The following NADSYN1 variants were observed in gnomAD, a reference collection of about 807,000 sequenced individuals.
NADSYN1 encodes NAD synthetase 1.
NADSYN1 carries 80 observed loss-of-function variants against 99.3 expected under a neutral mutation model. The ratio of observed to expected loss-of-function variants is 0.81; its 90% CI spans 0.67 to 0.97. The LOEUF is 0.97. Ranked by LOEUF, NADSYN1 falls within the 50% of genes least tolerant of loss-of-function variation. The pLI, the probability that NADSYN1 is intolerant of heterozygous loss-of-function variation, is 0.00. For synonymous variants in NADSYN1, 385 were observed against 372.1 expected, an observed-to-expected ratio of 1.03 and a Z score of -0.40; for missense variants, 859 against 948.5, an observed-to-expected ratio of 0.91 and a Z score of 1.24.
intron 5 of NADSYN1, among the ~76,000 whole-genome samples, chr11:71,469,710 G>A (rs1949614646): frequency 1.3e-5 from 2 of 152,144 alleles, no homozygotes; most frequent in African/African-American, 4.8e-5. Flanking sequence ...CCCTCATTCT[G>A]GGAAGCCAAC....
intron 3 of NADSYN1, chr11:71,459,603 G>T: frequency 6.5e-6 from 1 of 153,406 alleles, no homozygotes. Context: ...ATGTTCTGCT[G>T]GTGTCTGCTG....
At chr11:71,458,326 C>A in intron 2 of NADSYN1, 102 bp from the exon 3 acceptor site, 1 of 827,566 alleles carries the variant, frequency 1.2e-6, no homozygotes, top group South Asian at 1.5e-5. Flanking sequence ...AACACCTGAG[C>A]CCCGGCCCCC....
At position 71,481,240 on chromosome 11, in the gene NADSYN1, T is replaced by C. The variant is rs1949705196; in HGVS notation, c.999-116T>C. ...GTGCCTAAAGCAGAGACGGGCGTCC[T>C]GAGAGCCCAGCGTTGACTCTGGCAC... is the stretch of plus-strand genomic sequence containing the variant. On this transcript the variant is annotated intron_variant, in intron 11 of 20. Coordinates refer to ENST00000319023, the MANE Select transcript of NADSYN1 (RefSeq NM_018161.5). 12 of 1,055,628 alleles carry C rather than the reference T, an allele frequency of 1.1e-5. No individual in the cohort carries two copies. The South Asian group carries it at 1.6e-4, about 14-fold the overall frequency. The allele number at this position is 1,055,628 out of a possible 1,614,324, so 65.4% of individuals were successfully genotyped here.
intron 3 of NADSYN1, among the ~76,000 whole-genome samples, chr11:71,462,873 C>T (rs555396911): frequency 2.0e-5 from 3 of 152,310 alleles, no homozygotes; most frequent in African/African-American, 7.2e-5. Context: ...ACTCTGGTCC[C>T]CACTCGAGTG....
At position 71,484,378 on chromosome 11, in the gene NADSYN1, G is replaced by A. The variant is rs370140393; in HGVS notation, c.1386G>A (p.Thr462=). ...KAVMGIFSLV[T]GKSPLFAAHG... is the part of the protein sequence containing the mutation. ...TCATGGGCATCTTCAGCCTGGTGAC[G>A]GGGAAGAGCCCTCTGTTTGCAGCTC... Residue 462 remains threonine, a synonymous_variant, in exon 15 of 21, where the codon ACG becomes ACA. Coordinates refer to ENST00000319023, the MANE Select transcript of NADSYN1 (RefSeq NM_018161.5). 3.3e-5 allele frequency: 53 copies of A among 1,614,084 alleles called. No homozygotes were observed. The highest frequency in any genetic ancestry group is 3.8e-5 in the Non-Finnish European group (45 of 1,180,040).
intron 16 of NADSYN1, among the ~76,000 whole-genome samples, chr11:71,488,004 C>A (rs1949754534): frequency 6.6e-6 from 1 of 152,156 alleles, no homozygotes; most frequent in Admixed American, 6.5e-5. Flanking sequence ...CCTCTGCCGC[C>A]TTCTTCTCAC....
At chr11:71,493,061 TG>T (rs1290994753) in intron 18 of NADSYN1, among the ~76,000 whole-genome samples, 21 of 152,206 alleles carry the variant, frequency 1.4e-4, no homozygotes, top group Admixed American at 1.1e-3. Flanking sequence ...CTAAGTTTTT[TG>T]TATTTGTAGT....
chr11:71,485,631 C>A lies in NADSYN1; in HGVS notation c.1545C>A (p.Ser515=), dbSNP rs747364078. Residue 515 remains serine (S), a synonymous_variant, in exon 16 of 21, where the codon TCC becomes TCA. Transcript: ENST00000319023. ...ACGGTGGGCTCCTCGTGCTGGGATC[C>A]GCCAACGTGGATGAGAGGTGAGTGT... is the stretch of plus-strand genomic sequence containing the variant. ...GVHGGLLVLG[S]ANVDESLLGY... is the part of the protein sequence containing the mutation. The A allele has an allele frequency of 1.9e-6, 3 of 1,555,094 alleles. No homozygotes were observed. The South Asian group carries it at 3.6e-5, about 18-fold the overall frequency.
At chr11:71,455,411 G>A (rs1237240737) in intron 2 of NADSYN1, 3 of 469,390 alleles carry the variant, frequency 6.4e-6, no homozygotes, top group Admixed American at 3.8e-5. Context: ...ATGAAGGCCA[G>A]TTTCAAAGTT....
chr11:71,483,000 G>C lies in NADSYN1; in HGVS notation c.1302G>C (p.Leu434Phe). ...AGACGTGCACCCGGGCCAGAGAGTT[G>C]GCCCAGCAGATTGGAAGGTAGAGTT... ...SQETCTRARE[L>F]AQQIGSHHIS... The change falls in exon 14 of 21, where the codon TTG becomes TTC. Residue 434 changes from leucine (L) to phenylalanine (F), a missense_variant. Coordinates refer to ENST00000319023, the MANE Select transcript of NADSYN1 (RefSeq NM_018161.5). 1 of 1,612,270 alleles carries C rather than the reference G, an allele frequency of 6.2e-7. No homozygotes were observed. The highest frequency in any genetic ancestry group is 1.1e-5 in the South Asian group (1 of 91,000).
chr11:71,467,918 T>C (rs1016347258), intron 5 of NADSYN1, among the ~76,000 whole-genome samples: 2 of 152,186 alleles, frequency 1.3e-5, no homozygotes, highest in Non-Finnish European at 2.9e-5. Context: ...AGAAACATTC[T>C]TGTGAAACCG....
At chr11:71,457,435 T>C (rs1334388558) in intron 2 of NADSYN1, among the ~76,000 whole-genome samples, 1 of 152,194 alleles carries the variant, frequency 6.6e-6, no homozygotes, top group Non-Finnish European at 1.5e-5. Flanking sequence ...GAGAACTTCT[T>C]GAAGAGTTAT....
intron 18 of NADSYN1, 34 bp from the exon 19 acceptor site, chr11:71,497,449 C>T: frequency 6.2e-7 from 1 of 1,613,538 alleles, no homozygotes; most frequent in Non-Finnish European, 8.5e-7. Context: ...CTGTGACTTG[C>T]TGTCATCATG....
At chr11:71,455,059 G>T in intron 1 of NADSYN1, 51 bp from the exon 2 acceptor site, 1 of 1,381,058 alleles carries the variant, frequency 7.2e-7, no homozygotes, top group Non-Finnish European at 1.0e-6. Context: ...CTGTCTTTGA[G>T]TGTATAGGTG....
At chr11:71,496,535 C>T (rs1178543007) in intron 18 of NADSYN1, 1 of 152,304 alleles carries the variant, frequency 6.6e-6, no homozygotes, top group African/African-American at 2.4e-5. Flanking sequence ...CTCCCCTCAC[C>T]TCCTGCTCTG....
chr11:71,492,781 A>G (rs1168518883), intron 18 of NADSYN1, among the ~76,000 whole-genome samples: 1 of 152,146 alleles, frequency 6.6e-6, no homozygotes, highest in Non-Finnish European at 1.5e-5. Flanking sequence ...GCATGACACT[A>G]TAGATCAGTT....
At chr11:71,455,013 T>TG (rs1949503677) in intron 1 of NADSYN1, 97 bp from the exon 2 acceptor site, 4 of 841,644 alleles carry the variant, frequency 4.8e-6, no homozygotes, top group Admixed American at 2.8e-5. Flanking sequence ...TGTTTGTTTT[T>TG]TTTTTTATCC....
chr11:71,470,155 A>G, intron 5 of NADSYN1, among the ~76,000 whole-genome samples: 1 of 152,216 alleles, frequency 6.6e-6, no homozygotes, highest in African/African-American at 2.4e-5. Context: ...AAAGCATCAA[A>G]TCTCCTAAGG....
intron 3 of NADSYN1, among the ~76,000 whole-genome samples, chr11:71,462,477 T>TTGTATGTATTGA (rs1328826980): frequency 2.0e-5 from 3 of 152,148 alleles, no homozygotes; most frequent in Admixed American, 6.5e-5. Context: ...AGTGCCCATC[T>TTGTATGTATTGA]TGTATGTATT....
Sources: allele counts gnomAD v4.1 joint callset (sites outside exome capture counted in the v4.1 genomes callset), GRCh38; gene constraint gnomAD v4.1.1; transcripts MANE v1.5; gene names NCBI Gene and HGNC (gene_info 2026-07-23, HGNC 2026-07-21).